Variants in CSTPP1 observed in about 807,000 individuals in gnomAD.
CSTPP1 encodes the protein UPF0705 protein C11orf49.
chr11:47,106,351 T>C, the CSTPP1 span, among the ~76,000 whole-genome samples: 1 of 152,196 alleles, frequency 6.6e-6, no homozygotes, highest in African/African-American at 2.4e-5. Flanking sequence ...AGGATGAAAG[T>C]GAAACAGCTA....
chr11:47,104,065 A>G, the CSTPP1 span, among the ~76,000 whole-genome samples: 3 of 152,202 alleles, frequency 2.0e-5, no homozygotes, highest in Non-Finnish European at 4.4e-5. Context: ...TTGAGGAAAG[A>G]GAATCAGAGA....
At chr11:47,124,270 C>T in the CSTPP1 span, among the ~76,000 whole-genome samples, 2 of 151,358 alleles carry the variant, frequency 1.3e-5, no homozygotes, top group South Asian at 2.1e-4. Flanking sequence ...ATTACAGGCA[C>T]GTGCCACCAC....
chr11:47,022,453 T>A, the CSTPP1 span, among the ~76,000 whole-genome samples: 1 of 137,474 alleles, frequency 7.3e-6, no homozygotes, highest in Non-Finnish European at 1.5e-5. Flanking sequence ...CACTGCAACC[T>A]CTGCCTCCTG....
the CSTPP1 span, among the ~76,000 whole-genome samples, chr11:46,965,737 T>G: frequency 6.6e-6 from 1 of 152,176 alleles, no homozygotes. Context: ...GATACGTAGT[T>G]CAAAAAACAG....
At chr11:47,110,470 C>T in the CSTPP1 span, among the ~76,000 whole-genome samples, 13 of 152,178 alleles carry the variant, frequency 8.5e-5, no homozygotes, top group Non-Finnish European at 2.9e-5. Context: ...AAATTGAATA[C>T]GTTAAGTCAA....
chr11:46,975,385 G>C, the CSTPP1 span, among the ~76,000 whole-genome samples: 1 of 152,108 alleles, frequency 6.6e-6, no homozygotes, highest in East Asian at 1.9e-4. Context: ...AGCAGTATTT[G>C]CATAAAGAAA....
chr11:47,153,677 G>T, the CSTPP1 span, among the ~76,000 whole-genome samples: 1 of 152,212 alleles, frequency 6.6e-6, no homozygotes. Flanking sequence ...TCAATAGCCT[G>T]CCACGCAGTA....
the CSTPP1 span, among the ~76,000 whole-genome samples, chr11:47,107,458 T>C: frequency 6.6e-6 from 1 of 152,192 alleles, no homozygotes; most frequent in Non-Finnish European, 1.5e-5. Flanking sequence ...CCTTGATCTG[T>C]TGGAGTCTAA....
At chr11:46,960,839 C>T in the CSTPP1 span, among the ~76,000 whole-genome samples, 9 of 149,822 alleles carry the variant, frequency 6.0e-5, no homozygotes, top group South Asian at 4.2e-4. Context: ...GCAACAAGAG[C>T]GAAACTCTGT....
chr11:47,054,310 C>CAA, the CSTPP1 span, among the ~76,000 whole-genome samples: 1,741 of 39,050 alleles, frequency 0.045, 91 homozygotes, highest in African/African-American at 0.14. Flanking sequence ...TACTCCGTCT[C>CAA]AAAAAAAAAA....
chr11:47,154,160 C>T, the CSTPP1 span, among the ~76,000 whole-genome samples: 2 of 152,150 alleles, frequency 1.3e-5, no homozygotes, highest in Admixed American at 6.5e-5. Flanking sequence ...TGGTCTCGAA[C>T]TCCTGACCTC....
the CSTPP1 span, chr11:47,137,277 A>G: frequency 7.6e-7 from 1 of 1,310,240 alleles, no homozygotes; most frequent in Non-Finnish European, 1.0e-6. Context: ...AGAGAATTTC[A>G]GCAAATTTAA....
chr11:46,986,035 G>A, the CSTPP1 span, among the ~76,000 whole-genome samples: 10 of 152,324 alleles, frequency 6.6e-5, no homozygotes, highest in African/African-American at 2.4e-4. Context: ...ATCTGGGACA[G>A]TGCCAGACTA....
the CSTPP1 span, among the ~76,000 whole-genome samples, chr11:47,088,609 C>T: frequency 5.9e-5 from 9 of 152,260 alleles, no homozygotes; most frequent in Non-Finnish European, 4.4e-5. Flanking sequence ...TGCAATGGCA[C>T]GATCTCAGCT....
chr11:46,938,780 C>T, the CSTPP1 span, among the ~76,000 whole-genome samples: 184 of 123,248 alleles, frequency 1.5e-3, no homozygotes, highest in South Asian at 2.3e-3. Context: ...TTTTCTTCTT[C>T]TTTTTTTTTT....
chr11:47,091,360 C>A, the CSTPP1 span, among the ~76,000 whole-genome samples: 5 of 150,950 alleles, frequency 3.3e-5, no homozygotes, highest in Admixed American at 3.3e-4. Flanking sequence ...GGTGACAGAG[C>A]GAGACTCCAT....
chr11:47,091,475 G>A, the CSTPP1 span, among the ~76,000 whole-genome samples: 1 of 152,170 alleles, frequency 6.6e-6, no homozygotes, highest in South Asian at 2.1e-4. Flanking sequence ...TACTATCTCA[G>A]TCTACGTGTT....
the CSTPP1 span, among the ~76,000 whole-genome samples, chr11:47,005,382 T>C: frequency 6.6e-6 from 1 of 152,184 alleles, no homozygotes; most frequent in African/African-American, 2.4e-5. Flanking sequence ...TATGGTCACT[T>C]CCCTGTAAGA....
At chr11:47,052,097 A>C in the CSTPP1 span, 1 of 209,662 alleles carries the variant, frequency 4.8e-6, no homozygotes, top group Admixed American at 5.7e-5. Context: ...AGAGGCTAAA[A>C]GGCTTTCCTC....
Sources: allele counts gnomAD v4.1 joint callset (sites outside exome capture counted in the v4.1 genomes callset), GRCh38; gene constraint gnomAD v4.1.1; transcripts MANE v1.5; gene names NCBI Gene and HGNC (gene_info 2026-07-23, HGNC 2026-07-21).